FUT8: variants seen among roughly 807,000 people sequenced by gnomAD.
FUT8 encodes the protein alpha-(1,6)-fucosyltransferase.
FUT8 carries 29 observed loss-of-function variants against 71.3 expected under a neutral mutation model. The observed-to-expected ratio is 0.41, with a 90% CI of 0.30 to 0.55. The LOEUF is 0.55. FUT8 is among the 20% of genes least tolerant of loss of function. FUT8 has a pLI of 0.34. For missense variants in FUT8, 544 were observed against 702.1 expected (o/e 0.77, Z 2.55); for synonymous variants, 254 against 239.3 (o/e 1.06, Z -0.57).
intron 7 of FUT8, among the ~76,000 whole-genome samples, chr14:65,717,132 C>A (rs1263294346): frequency 7.3e-6 from 1 of 136,878 alleles, no homozygotes; most frequent in African/African-American, 2.8e-5. Context: ...CAGAGGCGCT[C>A]CTCATTTCCC....
At chr14:65,476,637 ATTTTTTTTTTTTTTTTTTTTTTTT>A (rs200882761) in intron 2 of FUT8, among the ~76,000 whole-genome samples, 2 of 125,084 alleles carry the variant, frequency 1.6e-5, no homozygotes, top group African/African-American at 6.2e-5. Context: ...AAAGAAGTAG[ATTTTTTTTTTTTTTTTTTTTTTTT>A]TTTTTTTTTT....
the FUT8 span, among the ~76,000 whole-genome samples, chr14:65,379,164 A>G: frequency 2.0e-5 from 3 of 152,092 alleles, no homozygotes; most frequent in Non-Finnish European, 4.4e-5. Flanking sequence ...GAAGCTTTTT[A>G]AACAAATAAA....
intron 3 of FUT8, among the ~76,000 whole-genome samples, chr14:65,599,798 A>G (rs1888202286): frequency 6.6e-6 from 1 of 152,190 alleles, no homozygotes; most frequent in Non-Finnish European, 1.5e-5. Context: ...AGGTCTTTCC[A>G]TTTCTTAATA....
intron 6 of FUT8, among the ~76,000 whole-genome samples, chr14:65,632,607 T>C (rs1472771946): frequency 6.6e-6 from 1 of 152,232 alleles, no homozygotes; most frequent in African/African-American, 2.4e-5. Flanking sequence ...TTGTAGATTC[T>C]GTGTATTAGT....
chr14:65,684,460 C>G (rs1893180076), intron 7 of FUT8, among the ~76,000 whole-genome samples: 1 of 152,130 alleles, frequency 6.6e-6, no homozygotes, highest in African/African-American at 2.4e-5. Flanking sequence ...ATAGTCTGAA[C>G]CCTCTATCTA....
At chr14:65,418,967 G>T (rs1323659566) in intron 1 of FUT8, among the ~76,000 whole-genome samples, 1 of 152,182 alleles carries the variant, frequency 6.6e-6, no homozygotes, top group Non-Finnish European at 1.5e-5. Context: ...GGTGGCTCAT[G>T]CCTGTAATCC....
At chr14:65,533,193 CGTTCGTA>C (rs1301767561) in intron 2 of FUT8, among the ~76,000 whole-genome samples, 21 of 152,028 alleles carry the variant, frequency 1.4e-4, no homozygotes, top group Admixed American at 1.4e-3. Flanking sequence ...TGTAAAATGT[CGTTCGTA>C]GTTTGATAGG....
At chr14:65,702,877 G>A (rs1894378452) in intron 7 of FUT8, among the ~76,000 whole-genome samples, 1 of 152,088 alleles carries the variant, frequency 6.6e-6, no homozygotes, top group South Asian at 2.1e-4. Context: ...CTCCCAAGTA[G>A]CTGGGACTAC....
intron 2 of FUT8, among the ~76,000 whole-genome samples, chr14:65,521,812 C>G (rs943290402): frequency 6.6e-6 from 1 of 151,654 alleles, no homozygotes; most frequent in African/African-American, 2.4e-5. Context: ...CAGTGCCAAA[C>G]ACATGGCAGG....
chr14:65,388,452 A>G, the FUT8 span, among the ~76,000 whole-genome samples: 9 of 152,188 alleles, frequency 5.9e-5, no homozygotes, highest in African/African-American at 1.9e-4. Flanking sequence ...AGCTTCCACT[A>G]TAGCAAAAGT....
At position 65,652,577 on chromosome 14, in the gene FUT8, A is replaced by G. The variant is rs2140327471; in HGVS notation, c.598-16666A>G. 6.6e-6 allele frequency among the ~76,000 whole-genome samples: 1 copy of G among 152,264 alleles called. No individual in the cohort carries two copies. Among genetic ancestry groups the G allele is most frequent in the South Asian group, 2.1e-4 (1 of 4,812 alleles). On this transcript the variant is annotated intron_variant, in intron 6 of 10. Transcript: ENST00000673929. The surrounding 1 kb of genome is among the most constrained non-coding windows in gnomAD (Gnocchi z 4.0). ...GAAGAGACTGGCTGGAAACAGGAAAACATTCCTGGGACTGTCTTCTGATTT... is the reference window on the plus strand; with the variant it reads ...GAAGAGACTGGCTGGAAACAGGAAAGCATTCCTGGGACTGTCTTCTGATTT...
At chr14:65,394,486 A>C in the FUT8 span, among the ~76,000 whole-genome samples, 1 of 152,130 alleles carries the variant, frequency 6.6e-6, no homozygotes, top group Non-Finnish European at 1.5e-5. Flanking sequence ...CCTATTTCAA[A>C]ACCAATCATG....
chr14:65,412,246 C>T (rs2065139447), upstream of FUT8: 1 of 456,604 alleles, frequency 2.2e-6, no homozygotes, highest in Non-Finnish European at 4.4e-6. Flanking sequence ...AAGCAGCAGT[C>T]AAGCGGCCAA....
chr14:65,526,372 G>C (rs7144415), intron 2 of FUT8, among the ~76,000 whole-genome samples: 101,019 of 151,914 alleles, frequency 0.66, 33,767 homozygotes, highest in East Asian at 0.77. Flanking sequence ...TTATCAGAGA[G>C]TAGGATTGCA....
At chr14:65,654,175 G>A (rs1891545810) in intron 6 of FUT8, among the ~76,000 whole-genome samples, 1 of 152,122 alleles carries the variant, frequency 6.6e-6, no homozygotes, top group African/African-American at 2.4e-5. Context: ...ATAAAAGTGG[G>A]GAGAGTAAAG....
chr14:65,614,922 G>A (rs1889204515), intron 3 of FUT8, among the ~76,000 whole-genome samples: 1 of 152,108 alleles, frequency 6.6e-6, no homozygotes, highest in African/African-American at 2.4e-5. Context: ...ACAGTATACT[G>A]CCATAAGTCA....
At chr14:65,657,744 A>G (rs938209315) in intron 6 of FUT8, among the ~76,000 whole-genome samples, 4 of 152,048 alleles carry the variant, frequency 2.6e-5, no homozygotes, top group Non-Finnish European at 5.9e-5. Flanking sequence ...AGAAAGAAAG[A>G]ATAAGAAAGA....
At chr14:65,502,144 C>T (rs371936013) in intron 2 of FUT8, among the ~76,000 whole-genome samples, 9 of 152,080 alleles carry the variant, frequency 5.9e-5, no homozygotes, top group East Asian at 5.8e-4. Flanking sequence ...CTCCTGGCCT[C>T]GAGTGATTCA....
chr14:65,616,550 A>G (rs1270772977), intron 5 of FUT8, among the ~76,000 whole-genome samples, 177 bp downstream of exon 5: 1 of 152,208 alleles, frequency 6.6e-6, no homozygotes, highest in African/African-American at 2.4e-5. Flanking sequence ...CAGTTCATCA[A>G]CCAAAATATA....
Sources: allele counts gnomAD v4.1 joint callset (sites outside exome capture counted in the v4.1 genomes callset), GRCh38; gene constraint gnomAD v4.1.1; non-coding constraint Gnocchi (gnomAD v3.1); transcripts MANE v1.5; gene names NCBI Gene and HGNC (gene_info 2026-07-23, HGNC 2026-07-21).